HSPBP1: variants seen among roughly 807,000 people sequenced by gnomAD.
HSPBP1 encodes hsp70-binding protein 1.
A neutral mutation model predicts 41.7 loss-of-function variants in HSPBP1; 31 were observed. That is an observed-to-expected ratio of 0.74 (90% CI 0.56 to 1.00). The LOEUF (loss-of-function observed/expected upper bound fraction) is 1.00. Ranked by LOEUF, HSPBP1 falls within the 50% of genes least tolerant of loss-of-function variation. The probability of loss-of-function intolerance (pLI) is 0.00; values close to 1 mark genes in which losing one functional copy is unlikely to be tolerated. For synonymous variants in HSPBP1, 199 were observed against 214.4 expected (o/e 0.93, Z 0.63); for missense variants, 439 against 487.9 (o/e 0.90, Z 0.94).
upstream of HSPBP1, chr19:55,280,150 C>T (rs561214319): frequency 3.3e-4 from 64 of 193,036 alleles, no homozygotes; most frequent in African/African-American, 1.4e-3. Flanking sequence ...AAGTGCCAGG[C>T]GTACCCACCC....
intron 4 of HSPBP1, among the ~76,000 whole-genome samples, chr19:55,271,916 G>T (rs543252432): frequency 6.6e-6 from 1 of 152,128 alleles, no homozygotes. Flanking sequence ...AAAAAAATTA[G>T]CTGGGCATGG....
intron 3 of HSPBP1, among the ~76,000 whole-genome samples, chr19:55,276,923 A>G (rs1243384964): frequency 1.3e-5 from 2 of 152,096 alleles, no homozygotes; most frequent in Non-Finnish European, 2.9e-5. Context: ...CTCTCGGCCC[A>G]GCCTGCGTAC....
At chr19:55,266,457 CCATCACCAT>C (rs2087785082) in intron 4 of HSPBP1, among the ~76,000 whole-genome samples, 171 bp from the exon 5 acceptor site, 1 of 30,704 alleles carries the variant, frequency 3.3e-5, no homozygotes, top group Admixed American at 3.4e-4. Flanking sequence ...ATCCTCACCA[CCATCACCAT>C]CACCACCATC....
At chr19:55,276,280 G>C (rs1420008879) in intron 3 of HSPBP1, among the ~76,000 whole-genome samples, 1 of 152,052 alleles carries the variant, frequency 6.6e-6, no homozygotes, top group Non-Finnish European at 1.5e-5. Flanking sequence ...CCAGGGGACC[G>C]GGGGAGGGCC....
chr19:55,280,277 A>ACGCCCCTTCGTGCGGGCGC (rs1234445143), upstream of HSPBP1: 1 of 154,362 alleles, frequency 6.5e-6, no homozygotes, highest in African/African-American at 2.4e-5. Context: ...CCAAGCTGGG[A>ACGCCCCTTCGTGCGGGCGC]CGCCCCTTCG....
chr19:55,278,921 A>T, intron 2 of HSPBP1, among the ~76,000 whole-genome samples: 1 of 51,914 alleles, frequency 1.9e-5, no homozygotes, highest in Non-Finnish European at 3.8e-5. Flanking sequence ...CCCTGCCCCC[A>T]CCAAAAAAAA....
Position 55,268,316 on chromosome 19 carries a change from G to A in HSPBP1, c.641-2030C>T, listed in dbSNP as rs1265379418. Among the ~76,000 whole-genome samples the A allele has an allele frequency of 6.6e-6, 1 of 152,090 alleles. No homozygotes were observed. Among genetic ancestry groups the A allele is most frequent in the Non-Finnish European group, 1.5e-5 (1 of 68,016 alleles). ...GTGGTGGCGTGCGTCTGTAATCCCA[G>A]CTACTAGGGAGGCTGAGGCAGGAGA... On this transcript the variant is annotated intron_variant, in intron 4 of 7. Coordinates refer to ENST00000433386, the MANE Select transcript of HSPBP1 (RefSeq NM_012267.5). The surrounding 1 kb of genome is among the most constrained non-coding windows in gnomAD (Gnocchi z 4.5).
At chr19:55,273,959 G>A (rs995152580) in intron 4 of HSPBP1, among the ~76,000 whole-genome samples, 1 of 152,054 alleles carries the variant, frequency 6.6e-6, no homozygotes, top group African/African-American at 2.4e-5. Flanking sequence ...TGTACAGCAG[G>A]GGTTCTGACC....
At chr19:55,265,662 G>C (rs75303175) in intron 6 of HSPBP1, among the ~76,000 whole-genome samples, 4 of 151,910 alleles carry the variant, frequency 2.6e-5, no homozygotes, top group African/African-American at 9.7e-5. Context: ...CCACTGGTGG[G>C]GGCGTGTACA....
chr19:55,278,632 G>A (rs1293204491), intron 2 of HSPBP1, among the ~76,000 whole-genome samples: 1 of 152,024 alleles, frequency 6.6e-6, no homozygotes, highest in Non-Finnish European at 1.5e-5. Flanking sequence ...AAGCAGTCTA[G>A]GCTGGGCGTG....
intron 7 of HSPBP1, 98 bp downstream of exon 7, chr19:55,265,180 G>C (rs78357667): frequency 6.8e-5 from 33 of 482,214 alleles, no homozygotes; most frequent in South Asian, 4.7e-4. Context: ...GATCCTCCTC[G>C]AACCCCATCC....
At position 55,271,933 on chromosome 19, in the gene HSPBP1, G is replaced by A. The variant is rs921261931; in HGVS notation, c.640+2465C>T. On this transcript the variant is annotated intron_variant, in intron 4 of 7. Coordinates refer to ENST00000433386, the MANE Select transcript of HSPBP1 (RefSeq NM_012267.5). Reference sequence around the variant, plus strand: ...AAAAATTAGCTGGGCATGGTGGCATGTGCCTGTAAACCCAGGTACTTGGGA... The same window carrying A: ...AAAAATTAGCTGGGCATGGTGGCATATGCCTGTAAACCCAGGTACTTGGGA... 7.2e-5 allele frequency among the ~76,000 whole-genome samples: 11 copies of A among 152,128 alleles called. No homozygotes were observed. The South Asian group carries it at 1.2e-3, about 17-fold the overall frequency.
chr19:55,279,300 G>T lies in HSPBP1; in HGVS notation c.210+99C>A, dbSNP rs115650630. ...TGGTTTTCTGCCTCCCACCCAAGAA[G>T]ACCCTAGTCTTCTTGTGGCTCCCCA... On this transcript the variant is annotated intron_variant, in intron 2 of 7. Coordinates refer to ENST00000433386, the MANE Select transcript of HSPBP1 (RefSeq NM_012267.5). The T allele has an allele frequency of 4.7e-3, 4,817 of 1,024,712 alleles. 155 individuals carry two copies. In the African/African-American group the frequency reaches 0.07, roughly 15 times the overall value. The allele number at this position is 1,024,712 out of a possible 1,614,324, so 63.5% of individuals were successfully genotyped here.
chr19:55,267,924 G>C (rs1306779842), intron 4 of HSPBP1, among the ~76,000 whole-genome samples: 1 of 152,238 alleles, frequency 6.6e-6, no homozygotes, highest in East Asian at 1.9e-4. Flanking sequence ...GATGAGAACT[G>C]ACCTTTGGAG....
Position 55,270,619 on chromosome 19 carries a change from G to A in HSPBP1, c.640+3779C>T, listed in dbSNP as rs1388266241. Among the ~76,000 whole-genome samples, 3 of 152,044 alleles carry A rather than the reference G, an allele frequency of 2.0e-5. No individual in the cohort carries two copies. The highest frequency in any genetic ancestry group is 4.4e-5 in the Non-Finnish European group (3 of 68,006). ...GGTCAAGGTGCGCCACAGTCAGGAT[G>A]GCCTGTGCCAGCCGTGCACATCTGA... On this transcript the variant is annotated intron_variant, in intron 4 of 7. Coordinates refer to ENST00000433386, the MANE Select transcript of HSPBP1 (RefSeq NM_012267.5). The surrounding 1 kb of genome is among the most constrained non-coding windows in gnomAD (Gnocchi z 5.4).
rs1042378361 is a variant in HSPBP1 at position 55,266,115 on chromosome 19, T to G, written c.796+16A>C. On this transcript the variant is annotated intron_variant, in intron 5 of 7. Coordinates refer to ENST00000433386, the MANE Select transcript of HSPBP1 (RefSeq NM_012267.5). ...GTCTGCTCCCCACTCCTGCCCTCAC[T>G]CAAGGGCTGCCACACCTTTGTGTTC... 6.3e-7 allele frequency: 1 copy of G among 1,598,896 alleles called. No homozygotes were observed. Among genetic ancestry groups the G allele is most frequent in the African/African-American group, 1.3e-5 (1 of 74,528 alleles).
At chr19:55,267,962 G>A (rs185600824) in intron 4 of HSPBP1, among the ~76,000 whole-genome samples, 1 of 152,232 alleles carries the variant, frequency 6.6e-6, no homozygotes, top group Non-Finnish European at 1.5e-5. Flanking sequence ...GCCCCCTCCT[G>A]GGTAGGCTCT....
At position 55,262,690 on chromosome 19, in the gene HSPBP1, G is replaced by C; in HGVS notation, c.1006-8C>G. The C allele has an allele frequency of 6.2e-7, 1 of 1,610,958 alleles. No homozygotes were observed. ...ACAGAACTCCAGCTCCTCCTGGATT[G>C]GGCAGGGGCAGGGAGCAAGGGGCCT... On this transcript the variant is annotated splice_polypyrimidine_tract_variant and splice_region_variant and intron_variant, in intron 7 of 7. Transcript: ENST00000433386.
rs2087897286 is a variant in HSPBP1, at chr19:55,270,598, A to G, written c.640+3800T>C. On this transcript the variant is annotated intron_variant, in intron 4 of 7. Transcript: ENST00000433386. This position sits in a 1 kb window ranked among gnomAD's most constrained non-coding sequence, Gnocchi z 5.4. ...TAAGAAAAAAGGACAGAGGCAGGTC[A>G]AGGTGCGCCACAGTCAGGATGGCCT... 6.6e-6 allele frequency among the ~76,000 whole-genome samples: 1 copy of G among 152,154 alleles called. No individual in the cohort carries two copies. The highest frequency in any genetic ancestry group is 2.4e-5 in the African/African-American group (1 of 41,412).
Sources: allele counts gnomAD v4.1 joint callset (sites outside exome capture counted in the v4.1 genomes callset), GRCh38; gene constraint gnomAD v4.1.1; non-coding constraint Gnocchi (gnomAD v3.1); transcripts MANE v1.5; gene names NCBI Gene and HGNC (gene_info 2026-07-23, HGNC 2026-07-21).